The following XYLT1 variants were observed in gnomAD, a reference collection of about 807,000 sequenced individuals.
The protein encoded by XYLT1 is beta-D-xylosyltransferase 1.
Under a neutral mutation model 91.3 loss-of-function variants are expected in XYLT1, and 36 were observed. The observed-to-expected ratio is 0.39, with a 90% confidence interval of 0.30 to 0.52. The LOEUF is 0.52. XYLT1 is among the 20% of genes least tolerant of loss of function. The pLI is 0.68. For missense variants in XYLT1, 1,242 were observed against 1,284.5 expected (o/e 0.97, Z 0.51); for synonymous variants, 588 against 532.0 (o/e 1.11, Z -1.45).
intron 10 of XYLT1, among the ~76,000 whole-genome samples, chr16:17,124,883 T>A (rs1290457387): frequency 1.3e-5 from 2 of 152,250 alleles, no homozygotes; most frequent in Non-Finnish European, 2.9e-5. Context: ...TTTGATTCGA[T>A]TGCTGAGACT....
intron 5 of XYLT1, among the ~76,000 whole-genome samples, chr16:17,197,502 C>T (rs2032453165): frequency 6.6e-6 from 1 of 152,126 alleles, no homozygotes; most frequent in Admixed American, 6.5e-5. Context: ...ATGCAAAGTA[C>T]TGTTTCTGGC....
rs377755977 is a variant in XYLT1, at chr16:17,259,409, G to T, written c.492C>A (p.Asp164Glu). 6.2e-7 allele frequency: 1 copy of T among 1,614,144 alleles called. No individual in the cohort carries two copies. The change falls in exon 3 of 12, where the codon GAC (aspartate) becomes GAA (glutamate). Residue 164 changes from aspartate to glutamate, a missense_variant. Transcript: ENST00000261381. ...GAGTCCTGGGTGCGAAGTTGCTGTT[G>T]TCGACATTCTCAAAGTCTTTGGGGA... Reference protein sequence around the residue: ...NSVPKDFENVDNSNFAPRTQK... With the variant: ...NSVPKDFENVENSNFAPRTQK...
Position 17,470,800 on chromosome 16 carries a change from C to A in XYLT1, c.-4G>T. On this transcript the variant is annotated 5_prime_UTR_variant, in exon 1 of 12. Transcript: ENST00000261381. ...GGGCGCACGGCGCCGCCACCATCTTCGGAGCGCGGCCGGCGAGCGAGGCGC... is the reference window on the plus strand; with the variant it reads ...GGGCGCACGGCGCCGCCACCATCTTAGGAGCGCGGCCGGCGAGCGAGGCGC... The A allele has an allele frequency of 1.0e-6, 1 of 999,854 alleles. No homozygotes were observed. Among genetic ancestry groups the A allele is most frequent in the Non-Finnish European group, 1.2e-6 (1 of 842,042 alleles). 61.9% of individuals were successfully genotyped at this position (999,854 alleles called of 1,614,324 possible). A position where few individuals can be genotyped will look rare whatever the true frequency, so the allele number is the denominator to read the frequency against.
chr16:17,134,420 A>G, intron 9 of XYLT1, 53 bp downstream of exon 9: 1 of 1,600,102 alleles, frequency 6.2e-7, no homozygotes, highest in Admixed American at 1.7e-5. Context: ...CTGTACCCTG[A>G]GCCTCCCCTC....
chr16:17,404,317 C>T (rs747759786), intron 1 of XYLT1, among the ~76,000 whole-genome samples: 7 of 152,186 alleles, frequency 4.6e-5, no homozygotes, highest in Non-Finnish European at 1.0e-4. Context: ...AACACCAACA[C>T]AATTCCTGCT....
At chr16:17,292,939 G>A (rs1199733040) in intron 2 of XYLT1, among the ~76,000 whole-genome samples, 1 of 152,146 alleles carries the variant, frequency 6.6e-6, no homozygotes, top group East Asian at 1.9e-4. Flanking sequence ...CTGTGTGGGA[G>A]CCTCAGGAAC....
At chr16:17,384,032 G>A (rs1020392434) in intron 1 of XYLT1, among the ~76,000 whole-genome samples, 1 of 151,894 alleles carries the variant, frequency 6.6e-6, no homozygotes, top group African/African-American at 2.4e-5. Flanking sequence ...ATAGGCATGA[G>A]CCACCGCGCC....
chr16:17,349,390 C>A (rs7199475), intron 2 of XYLT1, among the ~76,000 whole-genome samples: 4 of 152,132 alleles, frequency 2.6e-5, no homozygotes, highest in Non-Finnish European at 5.9e-5. Flanking sequence ...GATATCTCTA[C>A]CTATCTTGTA....
chr16:17,352,658 C>T (rs2035238336), intron 2 of XYLT1, among the ~76,000 whole-genome samples: 1 of 152,216 alleles, frequency 6.6e-6, no homozygotes, highest in Admixed American at 6.5e-5. Flanking sequence ...ATCTCTCCAG[C>T]TCAGATTCCC....
At chr16:17,171,699 G>A (rs1194996757) in intron 5 of XYLT1, among the ~76,000 whole-genome samples, 3 of 152,212 alleles carry the variant, frequency 2.0e-5, no homozygotes, top group Non-Finnish European at 4.4e-5. Flanking sequence ...ATAGATCATC[G>A]GTTTTTAAGC....
chr16:17,257,548 G>A (rs913636274), intron 3 of XYLT1, among the ~76,000 whole-genome samples: 2 of 152,140 alleles, frequency 1.3e-5, no homozygotes, highest in Middle Eastern at 3.2e-3. Flanking sequence ...CTGGATTATC[G>A]TAAGCTATGG....
At chr16:17,353,825 T>C (rs1328652398) in intron 2 of XYLT1, among the ~76,000 whole-genome samples, 1 of 152,192 alleles carries the variant, frequency 6.6e-6, no homozygotes, top group Non-Finnish European at 1.5e-5. Context: ...TTTATTTTCT[T>C]GCAAAATAGG....
chr16:17,157,954 G>T (rs1214008450), intron 6 of XYLT1, among the ~76,000 whole-genome samples: 9 of 152,130 alleles, frequency 5.9e-5, no homozygotes. Flanking sequence ...TTACCATGTT[G>T]GTCAGGCTGG....
At chr16:17,164,080 G>A (rs2031623161) in intron 5 of XYLT1, among the ~76,000 whole-genome samples, 1 of 106,616 alleles carries the variant, frequency 9.4e-6, no homozygotes, top group African/African-American at 3.0e-5. Flanking sequence ...GAAAGACTAT[G>A]CTGGTGCATG....
At chr16:17,388,892 G>C (rs2035781653) in intron 1 of XYLT1, among the ~76,000 whole-genome samples, 1 of 152,316 alleles carries the variant, frequency 6.6e-6, no homozygotes, top group Middle Eastern at 3.4e-3. Context: ...AGGAAGAAGA[G>C]AGTCTGATCC....
At chr16:17,422,759 G>A (rs528368652) in intron 1 of XYLT1, among the ~76,000 whole-genome samples, 127 of 152,144 alleles carry the variant, frequency 8.3e-4, no homozygotes, top group African/African-American at 2.9e-3. Context: ...CAGGTGATCC[G>A]CCCACCTCAG....
rs529095294 is a variant in XYLT1 at position 17,263,840 on chromosome 16, C to T, written c.403-4342G>A. On this transcript the variant is annotated intron_variant, in intron 2 of 11. Transcript: ENST00000261381. The stretch of plus-strand genomic sequence containing the variant: ...TCTCCTGCCTCAGCCTCCTGAGTAG[C>T]TGGGATTACAGGTGTGTGCTACCAC... 2.0e-5 allele frequency among the ~76,000 whole-genome samples: 3 copies of T among 152,254 alleles called. No individual in the cohort carries two copies. In the East Asian group the frequency reaches 5.8e-4, roughly 29 times the overall value.
intron 2 of XYLT1, among the ~76,000 whole-genome samples, chr16:17,321,147 C>T (rs927460758): frequency 2.0e-5 from 3 of 151,948 alleles, no homozygotes; most frequent in Non-Finnish European, 4.4e-5. Context: ...ACATCAGACT[C>T]CAGTGGGGCA....
chr16:17,149,099 A>G (rs947235708), intron 6 of XYLT1, among the ~76,000 whole-genome samples: 4 of 152,370 alleles, frequency 2.6e-5, no homozygotes, highest in African/African-American at 9.6e-5. Flanking sequence ...TAAATCAGAC[A>G]GAGGGTGGGA....
Sources: gnomAD v4.1 joint callset for allele counts (sites outside exome capture counted in the v4.1 genomes callset) on GRCh38, gnomAD v4.1.1 for gene constraint, MANE v1.5 for transcripts, NCBI Gene and HGNC (gene_info 2026-07-23, HGNC 2026-07-21) for gene names.